Variants in DLGAP2 observed in about 807,000 individuals in gnomAD.
The protein encoded by DLGAP2 is DLG associated protein 2.
In DLGAP2, 26 loss-of-function variants were observed where a neutral mutation model predicts 100.3. The ratio of observed to expected loss-of-function variants is 0.26; its 90% CI spans 0.19 to 0.36. The LOEUF is 0.36. DLGAP2 is among the 10% of genes least tolerant of loss of function. The probability of loss-of-function intolerance (pLI) is 1.00; values close to 1 mark genes in which losing one functional copy is unlikely to be tolerated. For synonymous variants in DLGAP2, 886 were observed against 630.1 expected (o/e 1.41, Z -6.08); for missense variants, 1,858 against 1,453.2 (o/e 1.28, Z -4.53).
chr8:1,227,412 G>A lies in DLGAP2; in HGVS notation c.74-31439G>A, dbSNP rs192104492. On this transcript the variant is annotated intron_variant, in intron 2 of 14. Coordinates refer to ENST00000637795, the MANE Select transcript of DLGAP2 (RefSeq NM_001346810.2). Reference sequence around the variant, plus strand: ...CCATTTGATTGATAGATCTTTCTCCGTACATTTACTTTGAGCCTGTGGCTG... The same window carrying A: ...CCATTTGATTGATAGATCTTTCTCCATACATTTACTTTGAGCCTGTGGCTG... Among the ~76,000 whole-genome samples, 10 of 149,606 alleles carry A rather than the reference G, an allele frequency of 6.7e-5. No homozygotes were observed. In the South Asian group the frequency reaches 1.3e-3, roughly 19 times the overall value.
chr8:1,302,721 G>C (rs13249161), intron 3 of DLGAP2: 21,810 of 152,266 alleles, frequency 0.14, 1,755 homozygotes, highest in Middle Eastern at 0.29. Context: ...CCAGTTACGG[G>C]TAACGGGCAG....
chr8:1,175,805 G>T (rs1398022730), intron 2 of DLGAP2, among the ~76,000 whole-genome samples: 4 of 152,150 alleles, frequency 2.6e-5, no homozygotes, highest in African/African-American at 2.4e-5. Context: ...ATACTTATTT[G>T]GGCATGTAGT....
At chr8:798,227 C>A (rs1468249128) in intron 1 of DLGAP2, among the ~76,000 whole-genome samples, 1 of 150,598 alleles carries the variant, frequency 6.6e-6, no homozygotes, top group African/African-American at 2.4e-5. Flanking sequence ...GTGATGGGTG[C>A]CTGCTTCCAT....
intron 2 of DLGAP2, among the ~76,000 whole-genome samples, chr8:1,116,085 G>A (rs1805108153): frequency 6.6e-6 from 1 of 152,198 alleles, no homozygotes; most frequent in Non-Finnish European, 1.5e-5. Flanking sequence ...GAAAGCTGGG[G>A]GTGTGGGCCT....
chr8:1,043,396 G>C (rs1238577646), intron 2 of DLGAP2, among the ~76,000 whole-genome samples: 1 of 151,644 alleles, frequency 6.6e-6, no homozygotes, highest in Non-Finnish European at 1.5e-5. Context: ...GTGGACGTAG[G>C]TGGTGGATAT....
rs555465598 is a variant in DLGAP2 at position 1,476,762 on chromosome 8, G to A, written c.107-24604G>A. On this transcript the variant is annotated intron_variant, in intron 3 of 14. Transcript: ENST00000637795. ...TTCTGCAGACCCACCCTTGATGGCC[G>A]AGTGCTGTCGGCCACCCACCAGCCC... Among the ~76,000 whole-genome samples, 634 of 151,186 alleles carry A rather than the reference G, an allele frequency of 4.2e-3. 6 individuals carry two copies. Among genetic ancestry groups the A allele is most frequent in the African/African-American group, 0.014 (594 of 41,048 alleles).
intron 1 of DLGAP2, among the ~76,000 whole-genome samples, chr8:766,637 G>T (rs937594670): frequency 9.2e-5 from 14 of 152,188 alleles, no homozygotes; most frequent in African/African-American, 3.4e-4. Flanking sequence ...TACTTGGAGT[G>T]ATCATGTCCG....
chr8:1,344,163 TTGTACTCGGGGCGCTGTCGTGGGTCCG>T lies in DLGAP2; in HGVS notation c.106+85293_106+85319del, dbSNP rs1294976149. On this transcript the variant is annotated intron_variant, in intron 3 of 14. Coordinates refer to ENST00000637795, the MANE Select transcript of DLGAP2 (RefSeq NM_001346810.2). ...GTACTCGGGGCCCTGTCGTGGGTCT[TTGTACTCGGGGCGCTGTCGTGGGTCCG>T]TGTACTCGGGGCCCTGTCGTGGGGC... 3.3e-4 allele frequency among the ~76,000 whole-genome samples: 11 copies of T among 33,220 alleles called. No homozygotes were observed. In the South Asian group the frequency reaches 4.5e-3, roughly 14 times the overall value. 21.8% of individuals were successfully genotyped at this position (33,220 alleles called of 152,430 possible).
chr8:1,419,611 C>A (rs1401124634), intron 3 of DLGAP2, among the ~76,000 whole-genome samples: 1 of 152,144 alleles, frequency 6.6e-6, no homozygotes, highest in East Asian at 1.9e-4. Context: ...GCTCCAGTAT[C>A]CAGCATCGCA....
chr8:1,383,391 C>T (rs185993687), intron 3 of DLGAP2, among the ~76,000 whole-genome samples: 307 of 152,324 alleles, frequency 2.0e-3, no homozygotes, highest in African/African-American at 7.1e-3. Flanking sequence ...ATGAGAAATG[C>T]ATTAATAATC....
At chr8:1,515,223 T>G (rs540247254) in intron 4 of DLGAP2, among the ~76,000 whole-genome samples, 1 of 152,300 alleles carries the variant, frequency 6.6e-6, no homozygotes, top group East Asian at 1.9e-4. Flanking sequence ...ACACCCACCC[T>G]GCACTTGAGT....
chr8:1,326,520 C>T (rs373011841), intron 3 of DLGAP2, among the ~76,000 whole-genome samples: 12 of 150,932 alleles, frequency 8.0e-5, no homozygotes, highest in African/African-American at 2.7e-4. Flanking sequence ...GGCGTGCACT[C>T]GGTCTCGGTC....
chr8:962,898 C>A (rs757943162), intron 2 of DLGAP2, among the ~76,000 whole-genome samples: 1 of 152,170 alleles, frequency 6.6e-6, no homozygotes, highest in Non-Finnish European at 1.5e-5. Context: ...GGCTTTGTGA[C>A]CGTGCCTCCC....
intron 2 of DLGAP2, among the ~76,000 whole-genome samples, chr8:1,256,484 G>C (rs1177592471): frequency 2.4e-5 from 3 of 122,540 alleles, no homozygotes; most frequent in African/African-American, 8.9e-5. Context: ...CCTGGGTGCT[G>C]TGTGTGTGTC....
At chr8:1,693,870 A>C (rs1281208956) in intron 13 of DLGAP2, among the ~76,000 whole-genome samples, 1 of 152,208 alleles carries the variant, frequency 6.6e-6, no homozygotes, top group East Asian at 1.9e-4. Flanking sequence ...GTCACCTGTG[A>C]ACGTTCTTGC....
intron 2 of DLGAP2, among the ~76,000 whole-genome samples, chr8:1,003,953 G>A (rs1428686215): frequency 1.3e-5 from 2 of 152,100 alleles, no homozygotes; most frequent in East Asian, 1.9e-4. Context: ...CCAAAAGATT[G>A]TAAATTATTC....
At chr8:905,222 G>C (rs1421369952) in intron 1 of DLGAP2, among the ~76,000 whole-genome samples, 2 of 152,314 alleles carry the variant, frequency 1.3e-5, no homozygotes, top group East Asian at 3.9e-4. Flanking sequence ...GGTGGGCACT[G>C]TGTTTGTGGG....
chr8:822,861 A>C lies in DLGAP2; in HGVS notation c.18+85036A>C, dbSNP rs369969534. Among the ~76,000 whole-genome samples the C allele has an allele frequency of 2.6e-4, 39 of 152,110 alleles. No homozygotes were observed. The East Asian group carries it at 6.0e-3, about 23-fold the overall frequency. On this transcript the variant is annotated intron_variant, in intron 1 of 14. Coordinates refer to ENST00000637795, the MANE Select transcript of DLGAP2 (RefSeq NM_001346810.2). ...AGGGACTGTCCAGAGGGCCATGCCCACCTCCTGCAGTCCCCAGACCCACAA... is the reference window on the plus strand; with the variant it reads ...AGGGACTGTCCAGAGGGCCATGCCCCCCTCCTGCAGTCCCCAGACCCACAA...
At chr8:1,411,896 A>T (rs1277462970) in intron 3 of DLGAP2, among the ~76,000 whole-genome samples, 1 of 152,090 alleles carries the variant, frequency 6.6e-6, no homozygotes, top group Non-Finnish European at 1.5e-5. Context: ...AGGCCTTTGC[A>T]AGTGGGACAC....
Sources: gnomAD v4.1 joint callset for allele counts (sites outside exome capture counted in the v4.1 genomes callset) on GRCh38, gnomAD v4.1.1 for gene constraint, MANE v1.5 for transcripts, NCBI Gene and HGNC (gene_info 2026-07-23, HGNC 2026-07-21) for gene names.